METTL22: variants seen among roughly 807,000 people sequenced by gnomAD.
METTL22 encodes methyltransferase-like protein 22.
Under a neutral mutation model 48.4 loss-of-function variants are expected in METTL22, and 51 were observed. The observed-to-expected ratio is 1.05, with a 90% confidence interval of 0.84 to 1.33. The LOEUF (loss-of-function observed/expected upper bound fraction) is 1.33, where lower values mean the gene tolerates loss of function less well. Among genes scored for constraint, METTL22 ranks in the 40% most tolerant of loss-of-function variants. The probability of loss-of-function intolerance (pLI) is 0.00; values close to 1 mark genes in which losing one functional copy is unlikely to be tolerated. For missense variants in METTL22, 678 were observed against 526.9 expected, an observed-to-expected ratio of 1.29 and a Z score of -2.81; for synonymous variants, 255 against 214.1, an observed-to-expected ratio of 1.19 and a Z score of -1.67.
At chr16:8,624,667 A>G (rs978670447) in intron 1 of METTL22, among the ~76,000 whole-genome samples, 21 of 151,940 alleles carry the variant, frequency 1.4e-4, no homozygotes, top group African/African-American at 4.8e-4. Context: ...AGAATTTGAG[A>G]CCAGCCTGGG....
chr16:8,652,872 G>A (rs536484161), downstream of METTL22, among the ~76,000 whole-genome samples: 21 of 152,150 alleles, frequency 1.4e-4, no homozygotes, highest in Non-Finnish European at 2.9e-4. Flanking sequence ...TCCCCTGAAT[G>A]GGGAAGGGCA....
intron 6 of METTL22, among the ~76,000 whole-genome samples, chr16:8,639,934 C>G (rs1232960732): frequency 1.3e-5 from 2 of 152,076 alleles, no homozygotes; most frequent in Admixed American, 6.5e-5. Flanking sequence ...CACATTCCCT[C>G]GAGTCCTTTG....
the METTL22 span, among the ~76,000 whole-genome samples, chr16:8,663,895 C>G: frequency 8.1e-4 from 124 of 152,160 alleles, 1 homozygote; most frequent in Admixed American, 5.4e-3. Flanking sequence ...CTGTCCTATG[C>G]ATTGTAGAGC....
rs765116592 is a variant in METTL22 at position 8,647,785 on chromosome 16, A to G, written c.*1642A>G. 2 of 152,212 alleles carry G rather than the reference A, an allele frequency of 1.3e-5. No individual in the cohort carries two copies. Among genetic ancestry groups the G allele is most frequent in the South Asian group, 2.1e-4 (1 of 4,830 alleles). 9.4% of individuals were successfully genotyped at this position (152,212 alleles called of 1,614,324 possible). On this transcript the variant is annotated 3_prime_UTR_variant, in exon 11 of 11. Transcript: ENST00000381920. ...CCCTCTGGGAGCAAGAAGAAAACCT[A>G]TGCATGTACGTTATTATAAATCTTC...
chr16:8,621,896 A>T (rs1442191286), intron 1 of METTL22, 121 bp downstream of exon 1: 1 of 152,042 alleles, frequency 6.6e-6, no homozygotes, highest in Non-Finnish European at 1.5e-5. Context: ...GCCCGACCCC[A>T]CTCTTAGCGT....
chr16:8,625,704 C>T lies in METTL22; in HGVS notation c.39C>T (p.Val13=). The part of the protein sequence containing the change: ...QLAPAAAMDE[V]TFRSDTVLSD... ...CTCCTGCGGCAGCCATGGACGAGGT[C>T]ACCTTTAGGAGCGACACTGTGCTGT... Residue 13 remains valine (V), a synonymous_variant, in exon 2 of 11, where the codon GTC becomes GTT. Transcript: ENST00000381920. 2 of 1,614,138 alleles carry T rather than the reference C, an allele frequency of 1.2e-6. No individual in the cohort carries two copies. The highest frequency in any genetic ancestry group is 1.7e-6 in the Non-Finnish European group (2 of 1,180,024).
chr16:8,629,833 C>A (rs942455945), intron 3 of METTL22, among the ~76,000 whole-genome samples: 1 of 152,144 alleles, frequency 6.6e-6, no homozygotes, highest in Non-Finnish European at 1.5e-5. Flanking sequence ...AGGAAGTGAT[C>A]GGTCCTGGTT....
the METTL22 span, among the ~76,000 whole-genome samples, chr16:8,656,146 G>A: frequency 6.6e-6 from 1 of 152,178 alleles, no homozygotes; most frequent in Non-Finnish European, 1.5e-5. Flanking sequence ...ACAGGCATGA[G>A]CATAGTGCAC....
intron 3 of METTL22, among the ~76,000 whole-genome samples, chr16:8,629,868 CT>C: frequency 6.6e-6 from 1 of 152,160 alleles, no homozygotes; most frequent in Non-Finnish European, 1.5e-5. Flanking sequence ...TTTTGGATAT[CT>C]TCACTAGTAT....
intron 3 of METTL22, among the ~76,000 whole-genome samples, chr16:8,630,607 C>T (rs1396376157): frequency 6.6e-6 from 1 of 152,146 alleles, no homozygotes; most frequent in Non-Finnish European, 1.5e-5. Context: ...GGGAGCAAAC[C>T]TGTCAGTTAC....
the METTL22 span, among the ~76,000 whole-genome samples, chr16:8,665,115 T>C: frequency 6.8e-6 from 1 of 146,682 alleles, no homozygotes; most frequent in East Asian, 2.0e-4. Flanking sequence ...GGCAACATGG[T>C]GAAACCCCGT....
intron 9 of METTL22, among the ~76,000 whole-genome samples, chr16:8,644,085 C>A (rs956862911): frequency 6.6e-6 from 1 of 150,584 alleles, no homozygotes; most frequent in African/African-American, 2.4e-5. Context: ...TGCTCACTCT[C>A]TGAAATCTCT....
intron 9 of METTL22, among the ~76,000 whole-genome samples, chr16:8,643,171 T>A (rs2056678050): frequency 6.6e-6 from 1 of 152,222 alleles, no homozygotes; most frequent in African/African-American, 2.4e-5. Context: ...GAAACAGACT[T>A]CTTCACCCAG....
intron 5 of METTL22, among the ~76,000 whole-genome samples, chr16:8,637,406 A>T (rs1271532621): frequency 0.017 from 2,582 of 152,356 alleles, 72 homozygotes; most frequent in African/African-American, 0.058. Flanking sequence ...GCAGACTATA[A>T]AGAAGTCTTA....
the METTL22 span, among the ~76,000 whole-genome samples, chr16:8,664,962 C>T: frequency 1.3e-5 from 2 of 152,200 alleles, no homozygotes; most frequent in South Asian, 4.1e-4. Flanking sequence ...TTTAAAGGCA[C>T]AGAAACTGAG....
At chr16:8,624,534 G>A (rs545773560) in intron 1 of METTL22, among the ~76,000 whole-genome samples, 4 of 151,916 alleles carry the variant, frequency 2.6e-5, no homozygotes, top group Middle Eastern at 3.4e-3. Flanking sequence ...CGCGCGCCAC[G>A]ACACCCGCCT....
intron 2 of METTL22, among the ~76,000 whole-genome samples, chr16:8,628,109 T>C (rs1316630176): frequency 6.6e-6 from 1 of 152,244 alleles, no homozygotes; most frequent in Non-Finnish European, 1.5e-5. Context: ...GCCACATCTG[T>C]GTCACACAGA....
chr16:8,660,441 A>G, the METTL22 span, among the ~76,000 whole-genome samples: 5 of 152,030 alleles, frequency 3.3e-5, no homozygotes, highest in South Asian at 4.2e-4. Context: ...GGCCTCCCAA[A>G]GTGCTGGGAT....
intron 6 of METTL22, among the ~76,000 whole-genome samples, chr16:8,640,876 A>AAGTG (rs2056581542): frequency 7.1e-5 from 1 of 14,176 alleles, no homozygotes; most frequent in Non-Finnish European, 1.5e-4. Flanking sequence ...GAAGATGGGC[A>AAGTG]GGTGGGTGGG....
Sources: allele counts gnomAD v4.1 joint callset (sites outside exome capture counted in the v4.1 genomes callset), GRCh38; gene constraint gnomAD v4.1.1; transcripts MANE v1.5; gene names NCBI Gene and HGNC (gene_info 2026-07-23, HGNC 2026-07-21).